Variants in ITSN1 observed in about 807,000 individuals in gnomAD.
ITSN1 encodes intersectin 1, also known as intersectin-1.
A neutral mutation model predicts 239.8 loss-of-function variants in ITSN1; 58 were observed. That is an observed-to-expected ratio of 0.24 (90% CI 0.20 to 0.30). The LOEUF (loss-of-function observed/expected upper bound fraction) is 0.30, where lower values mean the gene tolerates loss of function less well. ITSN1 is among the 10% of genes least tolerant of loss of function. The pLI, the probability that ITSN1 is intolerant of heterozygous loss-of-function variation, is 1.00. For missense variants in ITSN1, 1,558 were observed against 2,103.3 expected (o/e 0.74, Z 5.07); for synonymous variants, 780 against 770.8 (o/e 1.01, Z -0.20).
intron 10 of ITSN1, 107 bp downstream of exon 10, chr21:33,766,119 C>A: frequency 1.6e-6 from 2 of 1,214,986 alleles, no homozygotes; most frequent in Non-Finnish European, 1.2e-6. Flanking sequence ...GACAAGGAAA[C>A]TAAGTATCCG....
chr21:33,696,557 A>AT (rs2091802926), intron 1 of ITSN1, among the ~76,000 whole-genome samples: 2 of 152,210 alleles, frequency 1.3e-5, no homozygotes, highest in Admixed American at 1.3e-4. Flanking sequence ...AATGTAGGGC[A>AT]TTTTATAATT....
chr21:33,703,830 G>A (rs2092129603), intron 1 of ITSN1, among the ~76,000 whole-genome samples: 1 of 152,058 alleles, frequency 6.6e-6, no homozygotes, highest in Admixed American at 6.6e-5. Flanking sequence ...GAAGTAAATG[G>A]GACTGTGCCT....
intron 1 of ITSN1, among the ~76,000 whole-genome samples, chr21:33,669,329 C>T (rs954734494): frequency 1.1e-4 from 16 of 152,148 alleles, no homozygotes; most frequent in African/African-American, 3.4e-4. Flanking sequence ...GTGATCCACC[C>T]GTCTTGGCCT....
intron 16 of ITSN1, among the ~76,000 whole-genome samples, chr21:33,782,415 C>CT (rs1569169366): frequency 6.6e-6 from 1 of 152,140 alleles, no homozygotes; most frequent in African/African-American, 2.4e-5. Context: ...ATTCCAAAAG[C>CT]TTTATCTTTC....
intron 8 of ITSN1, chr21:33,757,100 A>C (rs1018652722): frequency 6.6e-6 from 1 of 152,178 alleles, no homozygotes; most frequent in Non-Finnish European, 1.5e-5. Context: ...ATTTTTAAGT[A>C]CTGTTTTACA....
rs1201177706 is a variant in ITSN1, at chr21:33,797,527, G to A, written c.2101G>A (p.Ala701Thr). The A allele has an allele frequency of 6.2e-7, 1 of 1,614,136 alleles. No homozygotes were observed. The highest frequency in any genetic ancestry group is 1.1e-5 in the South Asian group (1 of 91,068). ...KDGEEKGKQEAQDKLGRLFHQ... is the reference protein window; with the variant it reads ...KDGEEKGKQETQDKLGRLFHQ... Reference sequence around the variant, plus strand: ...TGGCGAGGAAAAAGGCAAACAGGAAGCACAAGACAAGCTGGGTCGGCTTTT... The same window carrying A: ...TGGCGAGGAAAAAGGCAAACAGGAAACACAAGACAAGCTGGGTCGGCTTTT... The change falls in exon 18 of 40, where the codon GCA becomes ACA. Residue 701 changes from alanine (A) to threonine (T), a missense_variant. Ala to Thr is a moderately conservative substitution (Grantham distance 58). Transcript: ENST00000381318. This position sits in a 1 kb window ranked among gnomAD's most constrained non-coding sequence, Gnocchi z 4.9.
At chr21:33,814,419 T>A (rs2073128802) in intron 22 of ITSN1, 1 of 242,962 alleles carries the variant, frequency 4.1e-6, no homozygotes, top group East Asian at 8.8e-5. Context: ...AGGCAGACAG[T>A]CAGAATGTAT....
chr21:33,834,562 C>A, intron 28 of ITSN1, 138 bp downstream of exon 28: 1 of 666,372 alleles, frequency 1.5e-6, no homozygotes, highest in South Asian at 1.8e-5. Flanking sequence ...GGACTGACAC[C>A]CAACTAATGT....
chr21:33,885,047 C>T lies in ITSN1; in HGVS notation c.4683C>T (p.Ala1561=). 3 of 1,613,936 alleles carry T rather than the reference C, an allele frequency of 1.9e-6. No individual in the cohort carries two copies. Among genetic ancestry groups the T allele is most frequent in the Non-Finnish European group, 2.5e-6 (3 of 1,179,842 alleles). Residue 1561 remains alanine (A), a synonymous_variant, in exon 37 of 40, where the codon GCC becomes GCT. Transcript: ENST00000381318. ...CTGTCTTTTTCTGTCCAAGGACTGC[C>T]TGGGTGCAGAAAATCAAAGCTGCTT... is the stretch of plus-strand genomic sequence containing the variant. ...LRAESINERT[A]WVQKIKAASE... is the part of the protein sequence containing the mutation.
intron 10 of ITSN1, 126 bp downstream of exon 10, chr21:33,766,138 A>G (rs371591679): frequency 5.1e-5 from 50 of 970,894 alleles, no homozygotes; most frequent in East Asian, 4.9e-4. Context: ...CGTGAATTCT[A>G]GAGACTCTCA....
Position 33,836,648 on chromosome 21 carries a change from G to C in ITSN1, c.3661+16G>C. The C allele has an allele frequency of 1.2e-6, 2 of 1,604,028 alleles. No homozygotes were observed. Among genetic ancestry groups the C allele is most frequent in the Non-Finnish European group, 1.7e-6 (2 of 1,172,204 alleles). Reference sequence around the variant, plus strand: ...AGCCAGCAATGTAAGTGCCCTGGTGGCTCTGTCGCCTCGCCTCTCTGGTAT... The same window carrying C: ...AGCCAGCAATGTAAGTGCCCTGGTGCCTCTGTCGCCTCGCCTCTCTGGTAT... On this transcript the variant is annotated intron_variant, in intron 29 of 39. Transcript: ENST00000381318.
chr21:33,809,309 A>G (rs1297027594), intron 20 of ITSN1, among the ~76,000 whole-genome samples: 2 of 152,226 alleles, frequency 1.3e-5, no homozygotes, highest in Non-Finnish European at 1.5e-5. Flanking sequence ...TCAGCTTTAA[A>G]AATTGCTTTT....
chr21:33,750,129 T>TC lies in ITSN1; in HGVS notation c.347-14_347-13insC, dbSNP rs2067448924. 2.5e-6 allele frequency: 4 copies of TC among 1,612,928 alleles called. No homozygotes were observed. Among genetic ancestry groups the TC allele is most frequent in the Non-Finnish European group, 3.4e-6 (4 of 1,179,384 alleles). ...ATTGGATGTGAATGGTGTTGAGCTGTTTTTTCTTCATAGGTATGGGAGGTA... is the reference window on the plus strand; with the variant it reads ...ATTGGATGTGAATGGTGTTGAGCTGTCTTTTTCTTCATAGGTATGGGAGGTA... On this transcript the variant is annotated splice_polypyrimidine_tract_variant and intron_variant, in intron 5 of 39. Coordinates refer to ENST00000381318, the MANE Select transcript of ITSN1 (RefSeq NM_003024.3).
At chr21:33,876,087 CTCTT>C (rs1296682087) in intron 34 of ITSN1, among the ~76,000 whole-genome samples, 138 of 142,908 alleles carry the variant, frequency 9.7e-4, no homozygotes, top group African/African-American at 3.4e-3. Context: ...TTTTTCTTTC[CTCTT>C]TCTTTCTTTC....
chr21:33,656,951 C>T (rs2089143771), intron 1 of ITSN1, among the ~76,000 whole-genome samples: 1 of 152,100 alleles, frequency 6.6e-6, no homozygotes, highest in Non-Finnish European at 1.5e-5. Flanking sequence ...GAACTCCTGA[C>T]CTCAGGTGAT....
At chr21:33,787,197 G>A (rs2070745249) in intron 16 of ITSN1, among the ~76,000 whole-genome samples, 1 of 152,146 alleles carries the variant, frequency 6.6e-6, no homozygotes, top group Non-Finnish European at 1.5e-5. Context: ...TTTTTAACAA[G>A]CATTTTAGAT....
intron 4 of ITSN1, among the ~76,000 whole-genome samples, chr21:33,728,600 A>G (rs1237452886): frequency 1.3e-5 from 2 of 152,028 alleles, no homozygotes; most frequent in Non-Finnish European, 2.9e-5. Flanking sequence ...TCCTCTTCCT[A>G]TAATTCAGTT....
chr21:33,746,075 G>A (rs1448169011), intron 5 of ITSN1, among the ~76,000 whole-genome samples: 1 of 152,140 alleles, frequency 6.6e-6, no homozygotes, highest in African/African-American at 2.4e-5. Flanking sequence ...AAAGATGCAG[G>A]TGCAATCCGT....
chr21:33,770,624 G>T (rs2069087397), intron 11 of ITSN1, among the ~76,000 whole-genome samples: 1 of 152,028 alleles, frequency 6.6e-6, no homozygotes. Context: ...GGATTTACCT[G>T]TTGTGGATAT....
Sources: allele counts gnomAD v4.1 joint callset (sites outside exome capture counted in the v4.1 genomes callset), GRCh38; gene constraint gnomAD v4.1.1; non-coding constraint Gnocchi (gnomAD v3.1); transcripts MANE v1.5; gene names NCBI Gene and HGNC (gene_info 2026-07-23, HGNC 2026-07-21).